The following RHOH variants were observed in gnomAD, a reference collection of about 807,000 sequenced individuals.
RHOH encodes ras homolog family member H, also known as rho-related GTP-binding protein RhoH.
Under a neutral mutation model 13.8 loss-of-function variants are expected in RHOH, and 6 were observed. The ratio of observed to expected loss-of-function variants is 0.44; its 90% CI spans 0.24 to 0.86. The LOEUF (loss-of-function observed/expected upper bound fraction) is 0.86, where lower values mean the gene tolerates loss of function less well. Among genes scored for constraint, RHOH ranks in the 40% least tolerant of loss-of-function variants. The pLI, the probability that RHOH is intolerant of heterozygous loss-of-function variation, is 0.24. For synonymous variants in RHOH, 117 were observed against 103.0 expected (o/e 1.14, Z -0.82); for missense variants, 147 against 244.5 (o/e 0.60, Z 2.66).
At chr4:40,195,540 A>C (rs1723057946), upstream of RHOH, among the ~76,000 whole-genome samples, 1 of 151,460 alleles carries the variant, frequency 6.6e-6, no homozygotes, top group African/African-American at 2.4e-5. Flanking sequence ...AGCTCACTGC[A>C]ACCTCAACCT....
In RHOH at chr4:40,206,983, C is replaced by A. The variant is rs529259913; in HGVS notation, c.-331+9683C>A. Among the ~76,000 whole-genome samples, 11 of 151,942 alleles carry A rather than the reference C, an allele frequency of 7.2e-5. No homozygotes were observed. The South Asian group carries it at 1.2e-3, about 17-fold the overall frequency. On this transcript the variant is annotated intron_variant, in intron 1 of 2. Transcript: ENST00000381799. ...CAGCACTTTGGGAGGCTGAAGCGGG[C>A]GGATCACGAGGTCAGGAGTTCAAGA...
rs1294235328 is a variant in RHOH, at chr4:40,245,990, C to G, written c.*2028C>G. 1 of 152,242 alleles carries G rather than the reference C, an allele frequency of 6.6e-6. No individual in the cohort carries two copies. The highest frequency in any genetic ancestry group is 2.4e-5 in the African/African-American group (1 of 41,426). The allele number at this position is 152,242 out of a possible 1,614,324, so 9.4% of individuals were successfully genotyped here. On this transcript the variant is annotated 3_prime_UTR_variant, in exon 3 of 3. Coordinates refer to ENST00000381799, the MANE Select transcript of RHOH (RefSeq NM_004310.5). ...CTCTCCAGGCGGTGGCTTGTACTCA[C>G]CTCTAAGTCACCCGCCTCCCTTGAT... is the stretch of plus-strand genomic sequence containing the variant.
At position 40,216,673 on chromosome 4, in the gene RHOH, G is replaced by T. The variant is rs534671342; in HGVS notation, c.-331+19373G>T. 4.6e-5 allele frequency among the ~76,000 whole-genome samples: 7 copies of T among 152,262 alleles called. No individual in the cohort carries two copies. The South Asian group carries it at 1.2e-3, about 27-fold the overall frequency. ...GGCAAGCATTTAAAAAATGTTTTTA[G>T]TAGGTATATGTTTCTTTGAATGTTT... On this transcript the variant is annotated intron_variant, in intron 1 of 2. Coordinates refer to ENST00000381799, the MANE Select transcript of RHOH (RefSeq NM_004310.5).
chr4:40,220,638 T>C (rs1432204560), intron 1 of RHOH, among the ~76,000 whole-genome samples: 1 of 152,216 alleles, frequency 6.6e-6, no homozygotes, highest in Non-Finnish European at 1.5e-5. Flanking sequence ...CCTCTGGGCC[T>C]AGTCTAAACT....
In RHOH at chr4:40,246,098, ATCC is replaced by A. The variant is rs886331343; in HGVS notation, c.*2139_*2141del. Reference sequence around the variant, plus strand: ...GGCAGGGGAGGGGAAGGGATCTCATATCCTCTGATATCCCTGGGATTCTCTTCT... The same window carrying A: ...GGCAGGGGAGGGGAAGGGATCTCATATCTGATATCCCTGGGATTCTCTTCT... On this transcript the variant is annotated 3_prime_UTR_variant, in exon 3 of 3. Transcript: ENST00000381799. 2 of 152,056 alleles carry A rather than the reference ATCC, an allele frequency of 1.3e-5. No homozygotes were observed. The highest frequency in any genetic ancestry group is 4.8e-5 in the African/African-American group (2 of 41,396). The allele number at this position is 152,056 out of a possible 1,614,324, so 9.4% of individuals were successfully genotyped here. A position where few individuals can be genotyped will look rare whatever the true frequency, so the allele number is the denominator to read the frequency against.
intron 1 of RHOH, among the ~76,000 whole-genome samples, chr4:40,238,044 C>T (rs1374812137): frequency 6.7e-6 from 1 of 149,554 alleles, no homozygotes; most frequent in African/African-American, 2.5e-5. Flanking sequence ...TCCACCTGAT[C>T]CGTATGAGCT....
intron 1 of RHOH, among the ~76,000 whole-genome samples, chr4:40,215,261 G>A (rs765524816): frequency 2.0e-5 from 3 of 152,120 alleles, no homozygotes; most frequent in South Asian, 2.1e-4. Flanking sequence ...GAGCACCACC[G>A]CAATTTCTCT....
rs747006254 is a variant in RHOH at position 40,243,485 on chromosome 4, C to T, written c.99C>T (p.Tyr33=). The change falls in exon 3 of 3, where the codon TAC becomes TAT. Residue 33 remains tyrosine (Y), a synonymous_variant. Coordinates refer to ENST00000381799, the MANE Select transcript of RHOH (RefSeq NM_004310.5). The surrounding 1 kb of genome is among the most constrained non-coding windows in gnomAD (Gnocchi z 6.2). ...RFTSETFPEA[Y]KPTVYENTGV... The stretch of plus-strand genomic sequence containing the variant: ...CCTCCGAGACCTTCCCGGAGGCCTA[C>T]AAGCCCACAGTGTACGAGAACACAG... 14 of 1,613,796 alleles carry T rather than the reference C, an allele frequency of 8.7e-6. 1 individual carries two copies. The South Asian group carries it at 9.9e-5, about 11-fold the overall frequency.
chr4:40,206,104 C>G (rs1416005879), intron 1 of RHOH, among the ~76,000 whole-genome samples: 1 of 152,198 alleles, frequency 6.6e-6, no homozygotes. Context: ...CTCTTACCTC[C>G]TGGAGATTAT....
intron 1 of RHOH, among the ~76,000 whole-genome samples, chr4:40,206,774 C>T (rs1348542782): frequency 2.0e-5 from 3 of 152,128 alleles, no homozygotes; most frequent in African/African-American, 7.2e-5. Context: ...CACAGAATAT[C>T]CGGCAATATC....
intron 1 of RHOH, among the ~76,000 whole-genome samples, chr4:40,207,025 G>C (rs1724724205): frequency 6.6e-6 from 1 of 152,004 alleles, no homozygotes. Context: ...TGGCCAAGAT[G>C]GTGAAACCCC....
intron 1 of RHOH, among the ~76,000 whole-genome samples, chr4:40,238,275 G>A (rs1728824837): frequency 6.6e-6 from 1 of 152,078 alleles, no homozygotes; most frequent in African/African-American, 2.4e-5. Context: ...GAAGGAGTGG[G>A]AGTTGGGGGC....
intron 1 of RHOH, among the ~76,000 whole-genome samples, chr4:40,238,663 G>T (rs1320288361): frequency 6.6e-6 from 1 of 152,176 alleles, no homozygotes; most frequent in Non-Finnish European, 1.5e-5. Context: ...AAATTATGGA[G>T]ACCCCGGAGG....
intron 1 of RHOH, among the ~76,000 whole-genome samples, chr4:40,198,074 C>A (rs1227439445): frequency 6.6e-6 from 1 of 152,142 alleles, no homozygotes; most frequent in Admixed American, 6.5e-5. Flanking sequence ...ACCCTATAAT[C>A]TGGTAGTTGT....
intron 1 of RHOH, among the ~76,000 whole-genome samples, chr4:40,234,232 G>A (rs1024042379): frequency 6.6e-6 from 1 of 152,188 alleles, no homozygotes; most frequent in African/African-American, 2.4e-5. Context: ...GAGACCACGT[G>A]TCCTTCCCTG....
intron 1 of RHOH, among the ~76,000 whole-genome samples, chr4:40,226,265 G>A (rs1209104818): frequency 6.6e-6 from 1 of 152,132 alleles, no homozygotes; most frequent in African/African-American, 2.4e-5. Flanking sequence ...GGTGGCTCAT[G>A]CCTGTAGTCC....
intron 1 of RHOH, among the ~76,000 whole-genome samples, chr4:40,211,873 T>C (rs2109405064): frequency 6.6e-6 from 1 of 152,330 alleles, no homozygotes; most frequent in African/African-American, 2.4e-5. Flanking sequence ...AAATGGGAAT[T>C]ATAATGTCAA....
chr4:40,193,479 C>CGAGAGAGAGAGAGAGAGAGAGA (rs34244157), upstream of RHOH, among the ~76,000 whole-genome samples: 8 of 88,696 alleles, frequency 9.0e-5, no homozygotes, highest in South Asian at 4.8e-4. Context: ...AGAATGAGAG[C>CGAGAGAGAGAGAGAGAGAGAGA]GAGAGAGAGA....
intron 1 of RHOH, among the ~76,000 whole-genome samples, chr4:40,199,970 G>A (rs1388959064): frequency 6.6e-6 from 1 of 152,198 alleles, no homozygotes; most frequent in Non-Finnish European, 1.5e-5. Context: ...GATGACGTGA[G>A]TCACACGGTG....
Sources: gnomAD v4.1 joint callset for allele counts (sites outside exome capture counted in the v4.1 genomes callset) on GRCh38, gnomAD v4.1.1 for gene constraint, Gnocchi (gnomAD v3.1) non-coding constraint, MANE v1.5 for transcripts, NCBI Gene and HGNC (gene_info 2026-07-23, HGNC 2026-07-21) for gene names.